Variants in IQCE observed in about 807,000 individuals in gnomAD.
IQCE encodes the protein IQ motif containing E.
Under a neutral mutation model 96.0 loss-of-function variants are expected in IQCE, and 115 were observed. The ratio of observed to expected loss-of-function variants is 1.20; its 90% CI spans 1.03 to 1.40. The LOEUF (loss-of-function observed/expected upper bound fraction) is 1.40, where lower values mean the gene tolerates loss of function less well. IQCE is among the 40% of genes most tolerant of loss of function. The probability of loss-of-function intolerance (pLI) is 0.00; values close to 1 mark genes in which losing one functional copy is unlikely to be tolerated. For synonymous variants in IQCE, 412 were observed against 371.2 expected (o/e 1.11, Z -1.26); for missense variants, 1,041 against 909.1 (o/e 1.15, Z -1.87).
At chr7:2,589,805 T>C in intron 13 of IQCE, 102 bp from the exon 14 acceptor site, 1 of 1,149,030 alleles carries the variant, frequency 8.7e-7, no homozygotes, top group Non-Finnish European at 1.3e-6. Context: ...ATGGCCCTGC[T>C]GGAGACTCAG....
chr7:2,604,576 A>G (rs1784656387), intron 18 of IQCE, among the ~76,000 whole-genome samples: 1 of 152,204 alleles, frequency 6.6e-6, no homozygotes, highest in Non-Finnish European at 1.5e-5. Context: ...ACCATGTGTG[A>G]AATACCAGCT....
intron 12 of IQCE, among the ~76,000 whole-genome samples, chr7:2,586,848 G>A (rs949169316): frequency 6.6e-6 from 1 of 152,224 alleles, no homozygotes; most frequent in Non-Finnish European, 1.5e-5. Context: ...CACGTGGAGT[G>A]TGGCCCCTGA....
intron 1 of IQCE, among the ~76,000 whole-genome samples, chr7:2,564,469 G>A (rs944691469): frequency 6.1e-5 from 9 of 148,656 alleles, no homozygotes; most frequent in East Asian, 2.1e-4. Context: ...CGTGGTGGCG[G>A]CACCTGTAAT....
In IQCE at chr7:2,574,767, G is replaced by C. The variant is rs1224525933; in HGVS notation, c.465+1279G>C. On this transcript the variant is annotated intron_variant, in intron 6 of 21. Transcript: ENST00000402050. ...TGCTCAGGTCCCTTGTCTCTGTTCA[G>C]TGTTTTCCCCTCCGTCTTCCCTCGT... 2.0e-5 allele frequency among the ~76,000 whole-genome samples: 3 copies of C among 152,224 alleles called. No individual in the cohort carries two copies. In the East Asian group the frequency reaches 5.8e-4, roughly 29 times the overall value.
At chr7:2,588,363 C>CT (rs1039991416) in intron 13 of IQCE, among the ~76,000 whole-genome samples, 40 of 146,096 alleles carry the variant, frequency 2.7e-4, no homozygotes, top group African/African-American at 6.8e-4. Context: ...TTTTTTTTTT[C>CT]TTTTTTTTTG....
intron 18 of IQCE, among the ~76,000 whole-genome samples, chr7:2,602,521 C>A (rs141012867): frequency 6.6e-6 from 1 of 152,196 alleles, no homozygotes; most frequent in African/African-American, 2.4e-5. Flanking sequence ...GGGCTTCTCA[C>A]GCTGCCTTCC....
chr7:2,593,086 G>A lies in IQCE; in HGVS notation c.1309G>A (p.Glu437Lys), dbSNP rs775963942. ...DLEKELECAR[E>K]GEEERREREE... ...GGAGAAGGAGCTGGAGTGCGCGAGG[G>A]AGGGCGAGGAGGAGAGGAGAGAGCG... Residue 437 changes from glutamate to lysine, a missense_variant, in exon 15 of 22, where the codon GAG (glutamate) becomes AAG (lysine). Coordinates refer to ENST00000402050, the MANE Select transcript of IQCE (RefSeq NM_152558.5). The A allele has an allele frequency of 6.2e-7, 1 of 1,612,874 alleles. No homozygotes were observed. The highest frequency in any genetic ancestry group is 8.5e-7 in the Non-Finnish European group (1 of 1,179,038).
intron 15 of IQCE, among the ~76,000 whole-genome samples, chr7:2,593,521 G>T (rs1783779113): frequency 1.3e-5 from 2 of 152,392 alleles, no homozygotes; most frequent in South Asian, 4.1e-4. Flanking sequence ...ATCAACTGCT[G>T]GTGGACAAAC....
intron 1 of IQCE, among the ~76,000 whole-genome samples, chr7:2,563,297 G>C (rs1038750037): frequency 2.0e-5 from 3 of 151,982 alleles, no homozygotes; most frequent in Non-Finnish European, 4.4e-5. Flanking sequence ...CCCGGACCCA[G>C]GTGATTCTCC....
intron 1 of IQCE, among the ~76,000 whole-genome samples, chr7:2,564,804 T>A (rs1380324028): frequency 6.6e-6 from 1 of 152,168 alleles, no homozygotes; most frequent in Non-Finnish European, 1.5e-5. Context: ...AAATGTCTGT[T>A]AGGTTTTTAG....
chr7:2,570,003 T>A (rs556192071), intron 3 of IQCE, among the ~76,000 whole-genome samples: 63 of 152,308 alleles, frequency 4.1e-4, no homozygotes, highest in African/African-American at 1.4e-3. Context: ...GGGTGCCTCC[T>A]GACTCACACT....
chr7:2,565,097 CGTGT>C (rs200266385), intron 1 of IQCE, among the ~76,000 whole-genome samples: 9 of 148,010 alleles, frequency 6.1e-5, no homozygotes, highest in East Asian at 2.0e-4. Context: ...CGTGTGTGTG[CGTGT>C]GTGTGTGTGA....
At position 2,607,122 on chromosome 7, in the gene IQCE, A is replaced by G; in HGVS notation, c.1866-2A>G. On this transcript the variant is annotated splice_acceptor_variant, in intron 20 of 21. Transcript: ENST00000402050. LOFTEE classifies it high-confidence loss of function. ...CAGCTGGCGTTTTCTGTTTTTTTCC[A>G]GTGCTACCGGTAAAAGAACCACCAC... The G allele has an allele frequency of 6.3e-7, 1 of 1,586,440 alleles. No homozygotes were observed. Among genetic ancestry groups the G allele is most frequent in the Non-Finnish European group, 8.6e-7 (1 of 1,169,092 alleles).
Position 2,605,105 on chromosome 7 carries a change from G to T in IQCE, c.1743+114G>T, listed in dbSNP as rs1349343372. 4.1e-6 allele frequency: 3 copies of T among 729,390 alleles called. No individual in the cohort carries two copies. In the African/African-American group the frequency reaches 5.3e-5, roughly 13 times the overall value. 45.2% of individuals were successfully genotyped at this position (729,390 alleles called of 1,614,324 possible). On this transcript the variant is annotated intron_variant, in intron 19 of 21. Coordinates refer to ENST00000402050, the MANE Select transcript of IQCE (RefSeq NM_152558.5). ...CAGCCTCCACATCCCCGCCCGCCCAGCAGGCGTCCCCTGCGCTCCATCCCT... is the reference window on the plus strand; with the variant it reads ...CAGCCTCCACATCCCCGCCCGCCCATCAGGCGTCCCCTGCGCTCCATCCCT...
chr7:2,598,054 A>G (rs1056892960), intron 16 of IQCE: 2 of 158,000 alleles, frequency 1.3e-5, no homozygotes, highest in Non-Finnish European at 2.8e-5. Flanking sequence ...TATCAATCCC[A>G]GAAATCCCAT....
intron 14 of IQCE, among the ~76,000 whole-genome samples, chr7:2,591,912 G>C (rs1422626358): frequency 1.3e-5 from 2 of 150,190 alleles, no homozygotes; most frequent in Non-Finnish European, 1.5e-5. Context: ...GTGAGCCACC[G>C]CACCCGGGCC....
chr7:2,598,332 C>T (rs1445835330), intron 16 of IQCE, 133 bp from the exon 17 acceptor site: 1 of 846,730 alleles, frequency 1.2e-6, no homozygotes, highest in Non-Finnish European at 1.8e-6. Context: ...TGGAACAGCT[C>T]TCTCCTCCAC....
At chr7:2,586,533 C>G (rs527308321) in intron 12 of IQCE, among the ~76,000 whole-genome samples, 162 bp downstream of exon 12, 11 of 152,262 alleles carry the variant, frequency 7.2e-5, no homozygotes, top group Non-Finnish European at 1.3e-4. Flanking sequence ...CCGCGGGCCA[C>G]GCGATGCCCC....
intron 17 of IQCE, among the ~76,000 whole-genome samples, chr7:2,600,593 G>A (rs1040474008): frequency 3.3e-5 from 5 of 152,148 alleles, no homozygotes; most frequent in African/African-American, 1.2e-4. Flanking sequence ...TTCCCTTTAG[G>A]TGCTAAGCAG....
Sources: gnomAD v4.1 joint callset for allele counts (sites outside exome capture counted in the v4.1 genomes callset) on GRCh38, gnomAD v4.1.1 for gene constraint, MANE v1.5 for transcripts, NCBI Gene and HGNC (gene_info 2026-07-23, HGNC 2026-07-21) for gene names.